TRAPPC9: variants seen among roughly 807,000 people sequenced by gnomAD.
TRAPPC9 encodes the protein trafficking protein particle complex subunit 9.
Under a neutral mutation model 124.0 loss-of-function variants are expected in TRAPPC9, and 83 were observed. That is an observed-to-expected ratio of 0.67 (90% CI 0.56 to 0.80). The LOEUF (loss-of-function observed/expected upper bound fraction) is 0.80, where lower values mean the gene tolerates loss of function less well. Among genes scored for constraint, TRAPPC9 ranks in the 30% least tolerant of loss-of-function variants. The pLI is 0.00. For synonymous variants in TRAPPC9, 638 were observed against 617.5 expected (o/e 1.03, Z -0.49); for missense variants, 1,302 against 1,508.3 (o/e 0.86, Z 2.27).
At chr8:140,145,447 CA>C (rs1419379621) in intron 17 of TRAPPC9, among the ~76,000 whole-genome samples, 1 of 152,016 alleles carries the variant, frequency 6.6e-6, no homozygotes, top group Non-Finnish European at 1.5e-5. Context: ...TTTATTAAGC[CA>C]ATAATGCTCT....
At chr8:139,852,662 A>C (rs899501802) in intron 21 of TRAPPC9, among the ~76,000 whole-genome samples, 6 of 152,212 alleles carry the variant, frequency 3.9e-5, no homozygotes, top group African/African-American at 1.4e-4. Context: ...TCATGTGTTT[A>C]TCTTCCATCG....
chr8:139,970,437 G>A (rs1229138842), intron 19 of TRAPPC9, among the ~76,000 whole-genome samples: 1 of 152,206 alleles, frequency 6.6e-6, no homozygotes, highest in Non-Finnish European at 1.5e-5. Context: ...ATCAAGGGGA[G>A]GGAGGGTACA....
chr8:139,744,623 C>T (rs745745541), intron 21 of TRAPPC9, among the ~76,000 whole-genome samples: 10 of 152,220 alleles, frequency 6.6e-5, no homozygotes, highest in African/African-American at 2.2e-4. Context: ...TGTCAGGGCA[C>T]GCACTTCATG....
intron 19 of TRAPPC9, among the ~76,000 whole-genome samples, chr8:139,975,138 A>G (rs1836356816): frequency 6.6e-6 from 1 of 152,094 alleles, no homozygotes; most frequent in Non-Finnish European, 1.5e-5. Context: ...CTTTCACTAG[A>G]GGCCAATGAA....
At chr8:140,271,066 A>G (rs4736164) in intron 15 of TRAPPC9, among the ~76,000 whole-genome samples, 37,493 of 152,204 alleles carry the variant, frequency 0.25, 5,047 homozygotes, top group African/African-American at 0.35. Flanking sequence ...AGGGCAAGTT[A>G]AATTACAGGA....
intron 17 of TRAPPC9, among the ~76,000 whole-genome samples, chr8:140,044,675 T>C (rs1841476844): frequency 6.6e-6 from 1 of 152,224 alleles, no homozygotes; most frequent in South Asian, 2.1e-4. Flanking sequence ...AGCAACACCT[T>C]CGGCACTGAT....
intron 18 of TRAPPC9, among the ~76,000 whole-genome samples, chr8:139,994,191 A>G (rs1293011786): frequency 1.3e-5 from 2 of 152,244 alleles, no homozygotes; most frequent in African/African-American, 4.8e-5. Flanking sequence ...CATGTAGAGT[A>G]GGCAAAGTGG....
chr8:140,025,569 A>G (rs992993356), intron 17 of TRAPPC9, among the ~76,000 whole-genome samples: 3 of 151,088 alleles, frequency 2.0e-5, no homozygotes, highest in African/African-American at 7.3e-5. Context: ...AAAATGCAAA[A>G]AAAAAAAAAA....
At chr8:139,903,275 A>G (rs12547470) in intron 20 of TRAPPC9, among the ~76,000 whole-genome samples, 69,257 of 151,752 alleles carry the variant, frequency 0.46, 16,974 homozygotes, top group African/African-American at 0.65. Context: ...TCCAGCCTCT[A>G]ACTCACTCTC....
chr8:139,874,609 G>A (rs1013222993), intron 21 of TRAPPC9, among the ~76,000 whole-genome samples: 1 of 151,996 alleles, frequency 6.6e-6, no homozygotes, highest in Admixed American at 6.5e-5. Flanking sequence ...ATGAAGGCCT[G>A]GGGGGAGCAT....
At chr8:139,941,159 T>C (rs547303814) in intron 19 of TRAPPC9, among the ~76,000 whole-genome samples, 14 of 152,168 alleles carry the variant, frequency 9.2e-5, no homozygotes, top group East Asian at 5.8e-4. Flanking sequence ...GCAGGCACGA[T>C]TGGCTAGTCT....
At chr8:139,807,709 G>A (rs962533139) in intron 21 of TRAPPC9, among the ~76,000 whole-genome samples, 1 of 152,160 alleles carries the variant, frequency 6.6e-6, no homozygotes, top group African/African-American at 2.4e-5. Context: ...CTTAACACCC[G>A]AGAAATTCTT....
chr8:140,436,358 A>T (rs1336626569), intron 3 of TRAPPC9, among the ~76,000 whole-genome samples: 1 of 152,230 alleles, frequency 6.6e-6, no homozygotes, highest in Non-Finnish European at 1.5e-5. Flanking sequence ...AAATAAAAAT[A>T]AAAAATAAAA....
At chr8:140,419,448 A>AAAAC (rs1554683875) in intron 5 of TRAPPC9, among the ~76,000 whole-genome samples, 5,307 of 92,534 alleles carry the variant, frequency 0.057, 43 homozygotes, top group Non-Finnish European at 0.08. Flanking sequence ...AAAAAAAAAA[A>AAAAC]AAAACAAAAC....
At chr8:139,818,531 A>T (rs1302194975) in intron 21 of TRAPPC9, among the ~76,000 whole-genome samples, 2 of 152,048 alleles carry the variant, frequency 1.3e-5, no homozygotes, top group African/African-American at 4.8e-5. Flanking sequence ...AGCTGAGATC[A>T]CGCCACTGCC....
rs34583867 is a variant in TRAPPC9 at position 139,784,608 on chromosome 8, C to CATATATATATATATATATATAT, written c.3056-52428_3056-52407dup. Among the ~76,000 whole-genome samples, 44 of 88,648 alleles carry CATATATATATATATATATATAT rather than the reference C, an allele frequency of 5.0e-4. 1 individual carries two copies. Among genetic ancestry groups the CATATATATATATATATATATAT allele is most frequent in the Middle Eastern group, 6.2e-3 (1 of 162 alleles). The allele number at this position is 88,648 out of a possible 152,430, so 58.2% of individuals were successfully genotyped here. On this transcript the variant is annotated intron_variant, in intron 21 of 22. Transcript: ENST00000438773. ...AATAAATAAATAAATAAAAGACTGACATATATATATATATATATATATATA... is the reference window on the plus strand; with the variant it reads ...AATAAATAAATAAATAAAAGACTGACATATATATATATATATATATATATATATATATATATATATATATATA...
At chr8:140,244,550 G>T (rs2063933396) in intron 16 of TRAPPC9, among the ~76,000 whole-genome samples, 1 of 152,096 alleles carries the variant, frequency 6.6e-6, no homozygotes, top group Admixed American at 6.5e-5. Flanking sequence ...TCAAGAAACG[G>T]CAACCCAAAG....
intron 5 of TRAPPC9, among the ~76,000 whole-genome samples, chr8:140,426,313 A>G (rs1218382677): frequency 6.6e-6 from 1 of 152,240 alleles, no homozygotes; most frequent in South Asian, 2.1e-4. Flanking sequence ...AATGAATTCA[A>G]AATTAACAGG....
At position 140,241,463 on chromosome 8, in the gene TRAPPC9, G is replaced by A. The variant is rs548822468; in HGVS notation, c.2431+11314C>T. 9.9e-5 allele frequency among the ~76,000 whole-genome samples: 15 copies of A among 151,998 alleles called. No individual in the cohort carries two copies. The highest frequency in any genetic ancestry group is 3.4e-4 in the African/African-American group (14 of 41,410). On this transcript the variant is annotated intron_variant, in intron 16 of 22. Coordinates refer to ENST00000438773, the MANE Select transcript of TRAPPC9 (RefSeq NM_001160372.4). The surrounding 1 kb of genome is among the most constrained non-coding windows in gnomAD (Gnocchi z 5.0). ...TGTAATCCCAGCACTTTGGGAGGCT[G>A]AGGTGGGTGAATCATGAGGTGAAGG...
Sources: gnomAD v4.1 joint callset for allele counts (sites outside exome capture counted in the v4.1 genomes callset) on GRCh38, gnomAD v4.1.1 for gene constraint, Gnocchi (gnomAD v3.1) non-coding constraint, MANE v1.5 for transcripts, NCBI Gene and HGNC (gene_info 2026-07-23, HGNC 2026-07-21) for gene names.